Variants in NRXN2 observed in about 807,000 individuals in gnomAD.
NRXN2 encodes the protein neurexin 2.
A neutral mutation model predicts 128.8 loss-of-function variants in NRXN2; 29 were observed. That is an observed-to-expected ratio of 0.23 (90% CI 0.17 to 0.31). The LOEUF is 0.31. Ranked by LOEUF, NRXN2 falls within the 10% of genes least tolerant of loss-of-function variation. The pLI is 1.00. For synonymous variants in NRXN2, 1,098 were observed against 1,075.2 expected, an observed-to-expected ratio of 1.02 and a Z score of -0.41; for missense variants, 1,881 against 2,452.6, an observed-to-expected ratio of 0.77 and a Z score of 4.92.
intron 11 of NRXN2, chr11:64,659,304 G>T (rs142880840): frequency 1.3e-5 from 2 of 152,306 alleles, no homozygotes; most frequent in South Asian, 4.1e-4. Flanking sequence ...CACTGCTGTA[G>T]CCCCTGGCTT....
intron 12 of NRXN2, among the ~76,000 whole-genome samples, chr11:64,652,386 A>AT (rs2047594397): frequency 6.6e-6 from 1 of 152,102 alleles, no homozygotes; most frequent in Admixed American, 6.5e-5. Context: ...TTTATACCCC[A>AT]GTCATACATC....
intron 3 of NRXN2, among the ~76,000 whole-genome samples, chr11:64,697,124 C>T (rs981597261): frequency 3.9e-5 from 6 of 152,134 alleles, no homozygotes; most frequent in African/African-American, 1.2e-4. Flanking sequence ...CACACCCCAC[C>T]CTTGCCCTCC....
intron 17 of NRXN2, chr11:64,643,436 T>C: frequency 1.6e-5 from 2 of 122,976 alleles, no homozygotes; most frequent in Non-Finnish European, 2.9e-5. Flanking sequence ...GAGGAGGGGA[T>C]AGGAGAGGAG....
chr11:64,686,055 C>T (rs1227371583), intron 5 of NRXN2, 108 bp from the exon 6 acceptor site: 2 of 1,187,100 alleles, frequency 1.7e-6, no homozygotes, highest in Non-Finnish European at 1.2e-6. Flanking sequence ...GCACCAGGAG[C>T]CCAGAGGTCC....
At chr11:64,684,002 G>A (rs906402353) in intron 6 of NRXN2, among the ~76,000 whole-genome samples, 2 of 152,172 alleles carry the variant, frequency 1.3e-5, no homozygotes. Flanking sequence ...ACTTGGCACT[G>A]GCATGGCTTT....
At chr11:64,676,686 G>T in intron 7 of NRXN2, 1 of 494,676 alleles carries the variant, frequency 2.0e-6, no homozygotes, top group Non-Finnish European at 3.6e-6. Context: ...GATGAACATG[G>T]GGCCTGCCCC....
intron 20 of NRXN2, among the ~76,000 whole-genome samples, chr11:64,625,429 T>C (rs1280070007): frequency 8.5e-5 from 13 of 152,258 alleles, no homozygotes; most frequent in Admixed American, 8.5e-4. Context: ...TAGCGATGTC[T>C]GTTACAGTCC....
chr11:64,607,183 C>T lies in NRXN2; in HGVS notation c.*13G>A, dbSNP rs369858862. ...AGGAGGGGCAGCTGGCAGTGGGGCG[C>T]AGTGCCGGGGGCTCAGACATAATAC... On this transcript the variant is annotated 3_prime_UTR_variant, in exon 23 of 23. Transcript: ENST00000265459. 9.3e-6 allele frequency: 15 copies of T among 1,609,666 alleles called. No homozygotes were observed. The highest frequency in any genetic ancestry group is 1.7e-4 in the Middle Eastern group (1 of 6,008).
chr11:64,667,670 C>T lies in NRXN2; in HGVS notation c.1378G>A (p.Asp460Asn). The part of the protein sequence containing the change: ...CLKDVVYKNN[D>N]FKLELSRLAK... Reference sequence around the variant, plus strand: ...AGGCGGGATAGTTCCAATTTGAAGTCATTGTTCTTATAGACCACCTGCAGG... The same window carrying T: ...AGGCGGGATAGTTCCAATTTGAAGTTATTGTTCTTATAGACCACCTGCAGG... The change falls in exon 9 of 23, where the codon GAC (aspartate) becomes AAC (asparagine). Residue 460 changes from aspartate to asparagine, a missense_variant. Asp to Asn is a conservative substitution (Grantham distance 23). Around this residue, in one of 7 missense-constraint regions of NRXN2, gnomAD observed 997 missense variants for 1,240.8 expected, o/e 0.80. Transcript: ENST00000265459. This position sits in a 1 kb window ranked among gnomAD's most constrained non-coding sequence, Gnocchi z 5.6. 2.7e-5 allele frequency: 44 copies of T among 1,614,094 alleles called. No homozygotes were observed. Among genetic ancestry groups the T allele is most frequent in the Non-Finnish European group, 3.6e-5 (43 of 1,180,034 alleles).
rs2135246322 is a variant in NRXN2 at position 64,606,977 on chromosome 11, GAC to G, written c.*217_*218del. On this transcript the variant is annotated 3_prime_UTR_variant, in exon 23 of 23. Coordinates refer to ENST00000265459, the MANE Select transcript of NRXN2 (RefSeq NM_015080.4). ...GCCTGGCAGGCGCAGAGCTGAGAGG[GAC>G]AGTCAGCCCCGGGACTGACGAGGCC... is the stretch of plus-strand genomic sequence containing the variant. 2 of 583,968 alleles carry G rather than the reference GAC, an allele frequency of 3.4e-6. No homozygotes were observed. Among genetic ancestry groups the G allele is most frequent in the East Asian group, 5.7e-5 (2 of 35,166 alleles). The allele number at this position is 583,968 out of a possible 1,614,324, so 36.2% of individuals were successfully genotyped here.
chr11:64,713,028 G>T lies in NRXN2; in HGVS notation c.672C>A (p.Pro224=). ...ANGGLCTVLA[P]GEVGCDCSHT... ...GGCTGCAGTCGCAGCCCACCTCGCC[G>T]GGGGCCAGCACGGTGCAGAGGCCGC... The change falls in exon 2 of 23, where the codon CCC becomes CCA. Residue 224 remains proline, a synonymous_variant. Transcript: ENST00000265459. 1 of 1,474,710 alleles carries T rather than the reference G, an allele frequency of 6.8e-7. No individual in the cohort carries two copies. The highest frequency in any genetic ancestry group is 9.0e-7 in the Non-Finnish European group (1 of 1,116,282). 91.4% of individuals were successfully genotyped at this position (1,474,710 alleles called of 1,614,324 possible).
chr11:64,681,036 G>A (rs948644340), intron 6 of NRXN2, among the ~76,000 whole-genome samples: 1 of 150,104 alleles, frequency 6.7e-6, no homozygotes, highest in African/African-American at 2.5e-5. Context: ...GGCAGAGATT[G>A]CAGTGAGCTG....
intron 17 of NRXN2, chr11:64,646,646 C>T (rs1358974919): frequency 1.3e-5 from 2 of 152,242 alleles, no homozygotes; most frequent in East Asian, 1.9e-4. Context: ...ACTGCCTTCT[C>T]TGAGGATCAA....
At chr11:64,673,468 A>G (rs1323063167) in intron 7 of NRXN2, among the ~76,000 whole-genome samples, 2 of 152,178 alleles carry the variant, frequency 1.3e-5, no homozygotes, top group Admixed American at 6.5e-5. Flanking sequence ...GAACACATTG[A>G]ACCCTGTTAC....
chr11:64,693,394 AAC>A (rs1371716773), intron 3 of NRXN2, among the ~76,000 whole-genome samples: 6 of 152,032 alleles, frequency 3.9e-5, no homozygotes, highest in African/African-American at 1.4e-4. Context: ...GAGAAAATAA[AAC>A]ACGACACAAA....
At position 64,614,796 on chromosome 11, in the gene NRXN2, G is replaced by C. The variant is rs572671023; in HGVS notation, c.4252+5498C>G. ...AGATAAATGATCCATTTAGTTCCTG[G>C]GTATCCAGATCACATATGGGTCCCC... On this transcript the variant is annotated intron_variant, in intron 22 of 22. Coordinates refer to ENST00000265459, the MANE Select transcript of NRXN2 (RefSeq NM_015080.4). Among the ~76,000 whole-genome samples, 4 of 152,380 alleles carry C rather than the reference G, an allele frequency of 2.6e-5. No homozygotes were observed. In the South Asian group the frequency reaches 8.3e-4, roughly 32 times the overall value.
chr11:64,661,302 C>A, intron 9 of NRXN2, 163 bp from the exon 10 acceptor site: 1 of 1,503,220 alleles, frequency 6.7e-7, no homozygotes, highest in African/African-American at 1.4e-5. Context: ...CTCGGCCTCA[C>A]TCACTGCAAA....
At chr11:64,613,829 G>A (rs559323719) in intron 22 of NRXN2, among the ~76,000 whole-genome samples, 209 of 152,306 alleles carry the variant, frequency 1.4e-3, no homozygotes, top group African/African-American at 4.9e-3. Context: ...AATCCAAGGC[G>A]TGGAGGCTGG....
rs149868452 is a variant in NRXN2, at chr11:64,622,894, C to T, written c.4032G>A (p.Pro1344=). 2.0e-5 allele frequency: 32 copies of T among 1,612,914 alleles called. No homozygotes were observed. The highest frequency in any genetic ancestry group is 2.7e-5 in the African/African-American group (2 of 74,930). The part of the protein sequence containing the change: ...EGHLRLVGEG[P]SVLLSAETTA... ...TGGTCTCCGCACTGAGCAGCACGGA[C>T]GGCCCCTCCCCCACCAGGCGCAGGT... Residue 1344 remains proline (P), a synonymous_variant, in exon 21 of 23, where the codon CCG becomes CCA. Coordinates refer to ENST00000265459, the MANE Select transcript of NRXN2 (RefSeq NM_015080.4). The surrounding 1 kb of genome is among the most constrained non-coding windows in gnomAD (Gnocchi z 4.3).
Sources: allele counts gnomAD v4.1 joint callset (sites outside exome capture counted in the v4.1 genomes callset), GRCh38; gene constraint gnomAD v4.1.1; regional missense constraint gnomAD v4.1.1; non-coding constraint Gnocchi (gnomAD v3.1); transcripts MANE v1.5; gene names NCBI Gene and HGNC (gene_info 2026-07-23, HGNC 2026-07-21).